RNF152: variants seen among roughly 807,000 people sequenced by gnomAD.
RNF152 encodes the protein E3 ubiquitin-protein ligase RNF152.
In RNF152, 11 loss-of-function variants were observed where a neutral mutation model predicts 12.7. The ratio of observed to expected loss-of-function variants is 0.86; its 90% CI spans 0.54 to 1.43. RNF152 has a LOEUF of 1.43. Ranked by LOEUF, RNF152 falls within the 40% of genes most tolerant of loss-of-function variation. The pLI, the probability that RNF152 is intolerant of heterozygous loss-of-function variation, is 0.00. For missense variants in RNF152, 255 were observed against 274.8 expected (o/e 0.93, Z 0.51); for synonymous variants, 113 against 120.3 (o/e 0.94, Z 0.40).
At chr18:61,865,427 A>G (rs975495623) in intron 1 of RNF152, among the ~76,000 whole-genome samples, 2 of 152,234 alleles carry the variant, frequency 1.3e-5, no homozygotes, top group African/African-American at 4.8e-5. Flanking sequence ...GATTGCTTCC[A>G]GGATAAAATT....
In RNF152 at chr18:61,812,884, A is replaced by T. The variant is rs1908871318; in HGVS notation, c.*2968T>A. 6.6e-6 allele frequency: 1 copy of T among 152,166 alleles called. No homozygotes were observed. Among genetic ancestry groups the T allele is most frequent in the Non-Finnish European group, 1.5e-5 (1 of 68,040 alleles). The allele number at this position is 152,166 out of a possible 1,614,324, so 9.4% of individuals were successfully genotyped here. On this transcript the variant is annotated 3_prime_UTR_variant, in exon 2 of 2. Transcript: ENST00000312828. ...AAAAAATTCTTTAAAGCAATAGTTG[A>T]CTCAGTAAAGGGTATTCATCAACCC...
Position 61,892,776 on chromosome 18 carries a change from C to CCAGATCG in RNF152, c.-136+12_-136+18dup. The CCAGATCG allele has an allele frequency of 6.6e-6, 1 of 152,344 alleles. No individual in the cohort carries two copies. The highest frequency in any genetic ancestry group is 2.4e-5 in the African/African-American group (1 of 41,538). 9.4% of individuals were successfully genotyped at this position (152,344 alleles called of 1,614,324 possible). A position where few individuals can be genotyped will look rare whatever the true frequency, so the allele number is the denominator to read the frequency against. On this transcript the variant is annotated intron_variant, in intron 1 of 1. Coordinates refer to ENST00000312828, the MANE Select transcript of RNF152 (RefSeq NM_173557.3). ...TGACCCAGAGACACCCAGGCGCTACCCAGATCGTGGGGGGTTACCTGTATC... is the reference window on the plus strand; with the variant it reads ...TGACCCAGAGACACCCAGGCGCTACCCAGATCGCAGATCGTGGGGGGTTACCTGTATC...
chr18:61,885,047 T>G (rs978849221), intron 1 of RNF152, among the ~76,000 whole-genome samples: 3 of 152,202 alleles, frequency 2.0e-5, no homozygotes, highest in Non-Finnish European at 2.9e-5. Flanking sequence ...GGACACCTCT[T>G]TACCTGCATG....
chr18:61,822,673 A>G (rs1262027239), intron 1 of RNF152, among the ~76,000 whole-genome samples: 1 of 152,196 alleles, frequency 6.6e-6, no homozygotes, highest in Non-Finnish European at 1.5e-5. Flanking sequence ...ACATTCTGTG[A>G]CAGTGGGGTT....
At chr18:61,852,340 A>G (rs1911020805) in intron 1 of RNF152, among the ~76,000 whole-genome samples, 1 of 152,356 alleles carries the variant, frequency 6.6e-6, no homozygotes, top group South Asian at 2.1e-4. Flanking sequence ...CAAGAGGAGA[A>G]AAATGTTGGC....
chr18:61,871,674 C>T lies in RNF152; in HGVS notation c.-136+21121G>A, dbSNP rs964328829. 7.9e-5 allele frequency among the ~76,000 whole-genome samples: 12 copies of T among 152,152 alleles called. No homozygotes were observed. The East Asian group carries it at 1.9e-3, about 24-fold the overall frequency. ...GGCAGTGGTTCATGGTATCCCGATG[C>T]CGAGCCTTCAGAAGGTAAGGCTGGG... On this transcript the variant is annotated intron_variant, in intron 1 of 1. Transcript: ENST00000312828.
At chr18:61,834,531 C>G (rs548688141) in intron 1 of RNF152, among the ~76,000 whole-genome samples, 4 of 152,294 alleles carry the variant, frequency 2.6e-5, no homozygotes, top group African/African-American at 9.6e-5. Flanking sequence ...CTTTATTTAC[C>G]TTCATCTGCC....
chr18:61,841,157 G>T (rs987349790), intron 1 of RNF152, among the ~76,000 whole-genome samples: 3 of 152,148 alleles, frequency 2.0e-5, no homozygotes, highest in Admixed American at 1.3e-4. Context: ...TTCCTGCAGG[G>T]TTCCATACAT....
chr18:61,864,073 A>G (rs1911622536), intron 1 of RNF152, among the ~76,000 whole-genome samples: 1 of 152,208 alleles, frequency 6.6e-6, no homozygotes, highest in Non-Finnish European at 1.5e-5. Flanking sequence ...CATCAAACAC[A>G]TGGGTGTCTT....
At position 61,828,558 on chromosome 18, in the gene RNF152, G is replaced by A. The variant is rs544841120; in HGVS notation, c.-135-11960C>T. ...TTCCATCCCAGCCTCCAGAGTAGCT[G>A]GGACTACAGGTGTACACCATTGCAC... is the stretch of plus-strand genomic sequence containing the variant. On this transcript the variant is annotated intron_variant, in intron 1 of 1. Coordinates refer to ENST00000312828, the MANE Select transcript of RNF152 (RefSeq NM_173557.3). 2.6e-5 allele frequency among the ~76,000 whole-genome samples: 4 copies of A among 152,264 alleles called. No individual in the cohort carries two copies. In the South Asian group the frequency reaches 6.2e-4, roughly 24 times the overall value.
intron 1 of RNF152, among the ~76,000 whole-genome samples, chr18:61,852,248 A>C (rs1176928166): frequency 6.6e-6 from 1 of 152,218 alleles, no homozygotes; most frequent in Admixed American, 6.5e-5. Context: ...TCAAGTCTCA[A>C]GGGACTTTCC....
At chr18:61,843,646 G>T (rs550802203) in intron 1 of RNF152, among the ~76,000 whole-genome samples, 5 of 152,238 alleles carry the variant, frequency 3.3e-5, no homozygotes, top group Admixed American at 3.3e-4. Flanking sequence ...ATTCTGACAC[G>T]TTACGACATG....
At chr18:61,839,206 A>G (rs944211819) in intron 1 of RNF152, among the ~76,000 whole-genome samples, 2 of 152,192 alleles carry the variant, frequency 1.3e-5, no homozygotes, top group Admixed American at 1.3e-4. Flanking sequence ...ACTTTGGTAC[A>G]CTACCTCAGA....
chr18:61,851,384 G>A (rs1191052156), intron 1 of RNF152, among the ~76,000 whole-genome samples: 1 of 152,174 alleles, frequency 6.6e-6, no homozygotes, highest in Non-Finnish European at 1.5e-5. Flanking sequence ...GAAGAGGGGA[G>A]GGAGGACGGA....
rs912892901 is a variant in RNF152 at position 61,816,737 on chromosome 18, C to T, written c.-135-139G>A. On this transcript the variant is annotated intron_variant, in intron 1 of 1. Coordinates refer to ENST00000312828, the MANE Select transcript of RNF152 (RefSeq NM_173557.3). ...TAAAAATTTACCAGTCTTGAGACTACAGGATTCCCATAACGCCCAGTGAAA... is the reference window on the plus strand; with the variant it reads ...TAAAAATTTACCAGTCTTGAGACTATAGGATTCCCATAACGCCCAGTGAAA... The T allele has an allele frequency of 1.4e-5, 5 of 364,186 alleles. No individual in the cohort carries two copies. In the Admixed American group the frequency reaches 1.7e-4, roughly 13 times the overall value. The allele number at this position is 364,186 out of a possible 1,614,324, so 22.6% of individuals were successfully genotyped here.
intron 1 of RNF152, among the ~76,000 whole-genome samples, chr18:61,883,592 C>T (rs532985966): frequency 6.6e-5 from 10 of 152,282 alleles, no homozygotes; most frequent in African/African-American, 2.2e-4. Flanking sequence ...GGGTGACCAG[C>T]TCATCCCAAT....
intron 1 of RNF152, among the ~76,000 whole-genome samples, chr18:61,871,232 G>T: frequency 7.4e-6 from 1 of 134,458 alleles, no homozygotes; most frequent in South Asian, 2.3e-4. Flanking sequence ...AAACAGAAGG[G>T]AATTGATTCA....
At chr18:61,885,985 C>CTTTTTTTT (rs558169838) in intron 1 of RNF152, among the ~76,000 whole-genome samples, 11 of 81,712 alleles carry the variant, frequency 1.3e-4, no homozygotes, top group South Asian at 4.9e-4. Context: ...CTTTTGCTTT[C>CTTTTTTTT]TTTTTTTTTT....
Position 61,811,547 on chromosome 18 carries a change from A to C in RNF152, c.*4305T>G, listed in dbSNP as rs376289536. 1 of 152,212 alleles carries C rather than the reference A, an allele frequency of 6.6e-6. No homozygotes were observed. The highest frequency in any genetic ancestry group is 1.5e-5 in the Non-Finnish European group (1 of 68,030). 9.4% of individuals were successfully genotyped at this position (152,212 alleles called of 1,614,324 possible). A position where few individuals can be genotyped will look rare whatever the true frequency, so the allele number is the denominator to read the frequency against. ...ATCTCATTCTAAAAATACTACCTAC[A>C]TTTTAGTTTGGCATCTGAAAAATGA... On this transcript the variant is annotated 3_prime_UTR_variant, in exon 2 of 2. Transcript: ENST00000312828.
Sources: allele counts gnomAD v4.1 joint callset (sites outside exome capture counted in the v4.1 genomes callset), GRCh38; gene constraint gnomAD v4.1.1; transcripts MANE v1.5; gene names NCBI Gene and HGNC (gene_info 2026-07-23, HGNC 2026-07-21).